Variants in MMADHC observed in about 807,000 individuals in gnomAD.
MMADHC encodes metabolism of cobalamin associated D.
Under a neutral mutation model 36.3 loss-of-function variants are expected in MMADHC, and 23 were observed. That is an observed-to-expected ratio of 0.63 (90% CI 0.46 to 0.90). MMADHC has a LOEUF of 0.90. Among genes scored for constraint, MMADHC ranks in the 40% least tolerant of loss-of-function variants. The probability of loss-of-function intolerance (pLI) is 0.00; values close to 1 mark genes in which losing one functional copy is unlikely to be tolerated. For missense variants in MMADHC, 330 were observed against 348.0 expected (o/e 0.95, Z 0.41); for synonymous variants, 97 against 116.1 (o/e 0.84, Z 1.06).
Position 149,576,419 on chromosome 2 carries a change from G to A in MMADHC, c.478+18C>T. The A allele has an allele frequency of 1.3e-6, 2 of 1,522,548 alleles. No individual in the cohort carries two copies. The highest frequency in any genetic ancestry group is 9.1e-7 in the Non-Finnish European group (1 of 1,096,538). 94.3% of individuals were successfully genotyped at this position (1,522,548 alleles called of 1,614,324 possible). A position where few individuals can be genotyped will look rare whatever the true frequency, so the allele number is the denominator to read the frequency against. ...AAAAAATTAGTAACAGTGTTTCAAA[G>A]TATAAAGCATGACATACCTTTTCGC... On this transcript the variant is annotated intron_variant, in intron 5 of 7. Transcript: ENST00000303319.
At chr2:149,579,905 T>C (rs915343544) in intron 3 of MMADHC, among the ~76,000 whole-genome samples, 18 of 152,220 alleles carry the variant, frequency 1.2e-4, no homozygotes, top group Non-Finnish European at 2.5e-4. Context: ...AATGCTTGAA[T>C]GTCATTAAAA....
Position 149,569,941 on chromosome 2 carries a change from A to C in MMADHC, c.*33T>G. The C allele has an allele frequency of 6.3e-7, 1 of 1,589,724 alleles. No homozygotes were observed. The highest frequency in any genetic ancestry group is 8.6e-7 in the Non-Finnish European group (1 of 1,158,458). ...TTATAGATCAACCCAAATATTACATACAAATAGTACAGCAAATGAATGGAT... is the reference window on the plus strand; with the variant it reads ...TTATAGATCAACCCAAATATTACATCCAAATAGTACAGCAAATGAATGGAT... On this transcript the variant is annotated 3_prime_UTR_variant, in exon 8 of 8. Transcript: ENST00000303319.
At chr2:149,575,288 T>C (rs776730235) in intron 6 of MMADHC, among the ~76,000 whole-genome samples, 11 of 152,096 alleles carry the variant, frequency 7.2e-5, no homozygotes, top group Non-Finnish European at 1.2e-4. Flanking sequence ...CTGTTACTGT[T>C]TACTCTTGGA....
chr2:149,575,611 G>T, intron 6 of MMADHC, 100 bp downstream of exon 6: 1 of 1,030,724 alleles, frequency 9.7e-7, no homozygotes, highest in Non-Finnish European at 1.4e-6. Flanking sequence ...GGCAGAAAAT[G>T]AATAAAGGGT....
chr2:149,582,382 A>G (rs1682807842), intron 2 of MMADHC, 111 bp from the exon 3 acceptor site: 1 of 1,046,450 alleles, frequency 9.6e-7, no homozygotes, highest in Non-Finnish European at 1.4e-6. Context: ...ACCAACATTT[A>G]TTCTACTTTT....
At chr2:149,586,906 T>G (rs1267776791) in intron 2 of MMADHC, 183 bp downstream of exon 2, 3 of 644,668 alleles carry the variant, frequency 4.7e-6, no homozygotes, top group African/African-American at 3.6e-5. Context: ...GTATTTGCAG[T>G]GCAAAGAATG....
intron 4 of MMADHC, among the ~76,000 whole-genome samples, chr2:149,578,603 A>G (rs1682749847): frequency 6.6e-6 from 1 of 152,220 alleles, no homozygotes; most frequent in African/African-American, 2.4e-5. Flanking sequence ...GAGAAGGTGT[A>G]GGACAGAAAC....
intron 4 of MMADHC, among the ~76,000 whole-genome samples, chr2:149,578,058 A>T (rs1682742557): frequency 6.6e-6 from 1 of 152,152 alleles, no homozygotes; most frequent in Non-Finnish European, 1.5e-5. Flanking sequence ...ACAAAGAAAC[A>T]GGAGCTTAGA....
intron 4 of MMADHC, 42 bp downstream of exon 4, chr2:149,579,389 T>C (rs775668568): frequency 3.6e-5 from 55 of 1,537,480 alleles, no homozygotes; most frequent in Non-Finnish European, 4.9e-5. Context: ...TCATATAGCA[T>C]TAATAATCAG....
intron 2 of MMADHC, chr2:149,586,868 C>A (rs1682877810): frequency 1.8e-6 from 1 of 565,978 alleles, no homozygotes. Context: ...ATTTCCACAT[C>A]TGTACAAATG....
intron 6 of MMADHC, among the ~76,000 whole-genome samples, 193 bp from the exon 7 acceptor site, chr2:149,571,364 CA>C (rs1682636217): frequency 1.3e-5 from 2 of 152,134 alleles, no homozygotes; most frequent in Non-Finnish European, 2.9e-5. Context: ...ATGGTTAACA[CA>C]ACACTTTATT....
In MMADHC at chr2:149,579,571, T is replaced by C. The variant is rs753336371; in HGVS notation, c.232A>G (p.Ile78Val). 9 of 1,614,090 alleles carry C rather than the reference T, an allele frequency of 5.6e-6. No homozygotes were observed. The highest frequency in any genetic ancestry group is 4.4e-5 in the South Asian group (4 of 91,086). The change falls in exon 4 of 8, where the codon ATA (isoleucine) becomes GTA (valine). Residue 78 changes from isoleucine (I) to valine (V), a missense_variant. Physicochemically the swap from Ile to Val is conservative, Grantham distance 29 (BLOSUM62 3). Transcript: ENST00000303319. Reference sequence around the variant, plus strand: ...CCATTGAGGTGACAATCAAAACCTATGTTCCCAGGAAGCTGGAACCTCTGA... The same window carrying C: ...CCATTGAGGTGACAATCAAAACCTACGTTCCCAGGAAGCTGGAACCTCTGA... ...QDQRFQLPGN[I>V]GFDCHLNGTA...
chr2:149,575,670 A>G (rs1311962662), intron 6 of MMADHC, 41 bp downstream of exon 6: 13 of 1,510,680 alleles, frequency 8.6e-6, no homozygotes, highest in African/African-American at 1.4e-5. Context: ...TTACTTAAAT[A>G]ATGACCATAA....
chr2:149,572,796 C>T lies in MMADHC; in HGVS notation c.610-1625G>A, dbSNP rs141827356. Among the ~76,000 whole-genome samples, 515 of 152,220 alleles carry T rather than the reference C, an allele frequency of 3.4e-3. 1 individual carries two copies. Among genetic ancestry groups the T allele is most frequent in the African/African-American group, 0.012 (485 of 41,536 alleles). On this transcript the variant is annotated intron_variant, in intron 6 of 7. Transcript: ENST00000303319. The stretch of plus-strand genomic sequence containing the variant: ...AAGAGGCCTAGAAATCCATGTGTCA[C>T]GCAGTGCTGGGACACATGGATTTCC...
intron 4 of MMADHC, among the ~76,000 whole-genome samples, chr2:149,578,783 A>T (rs977852612): frequency 6.6e-6 from 1 of 151,258 alleles, no homozygotes; most frequent in African/African-American, 2.4e-5. Context: ...TGGCTTTGAT[A>T]AAAAAAAACT....
chr2:149,582,904 A>C lies in MMADHC; in HGVS notation c.10-633T>G, dbSNP rs1352934579. Among the ~76,000 whole-genome samples the C allele has an allele frequency of 3.9e-5, 6 of 152,268 alleles. No homozygotes were observed. The East Asian group carries it at 1.2e-3, about 29-fold the overall frequency. On this transcript the variant is annotated intron_variant, in intron 2 of 7. Transcript: ENST00000303319. ...ACAATCTTTCATTCATAAATTTTTT[A>C]ACAAAGTACTTGGGTCAGAACAATT...
intron 2 of MMADHC, among the ~76,000 whole-genome samples, chr2:149,586,554 T>C (rs888737478): frequency 3.9e-5 from 6 of 152,246 alleles, no homozygotes; most frequent in African/African-American, 1.4e-4. Context: ...TATTACTTTA[T>C]ACTTTAATTG....
chr2:149,570,318 T>C, intron 7 of MMADHC, 150 bp from the exon 8 acceptor site: 1 of 683,168 alleles, frequency 1.5e-6, no homozygotes, highest in South Asian at 1.9e-5. Context: ...TAAACCGCCT[T>C]AATATCCCTT....
At chr2:149,581,884 A>T (rs1035875763) in intron 3 of MMADHC, among the ~76,000 whole-genome samples, 2 of 152,070 alleles carry the variant, frequency 1.3e-5, no homozygotes, top group Non-Finnish European at 2.9e-5. Flanking sequence ...TTCAGGGAAG[A>T]CTCTATGTTT....
Sources: gnomAD v4.1 joint callset for allele counts (sites outside exome capture counted in the v4.1 genomes callset) on GRCh38, gnomAD v4.1.1 for gene constraint, MANE v1.5 for transcripts, NCBI Gene and HGNC (gene_info 2026-07-23, HGNC 2026-07-21) for gene names.